Variants in KALRN observed in about 807,000 individuals in gnomAD.
KALRN encodes kalirin RhoGEF kinase.
Under a neutral mutation model 353.7 loss-of-function variants are expected in KALRN, and 70 were observed. That is an observed-to-expected ratio of 0.20 (90% CI 0.16 to 0.24). KALRN has a LOEUF of 0.24. Ranked by LOEUF, KALRN falls within the 10% of genes least tolerant of loss-of-function variation. KALRN has a pLI of 1.00. For synonymous variants in KALRN, 1,391 were observed against 1,434.8 expected (o/e 0.97, Z 0.69); for missense variants, 2,791 against 3,756.7 (o/e 0.74, Z 6.72).
intron 1 of KALRN, among the ~76,000 whole-genome samples, chr3:124,196,216 C>G (rs1325430569): frequency 3.3e-5 from 5 of 152,118 alleles, no homozygotes; most frequent in African/African-American, 1.2e-4. Context: ...CTCAGACAAG[C>G]TGCAGGTGGG....
At position 124,674,432 on chromosome 3, in the gene KALRN, G is replaced by A. The variant is rs1476626037; in HGVS notation, c.7011G>A (p.Glu2337=). ...AVIKDYYALK[E]NEICVSQGEV... is the part of the protein sequence containing the mutation. Reference sequence around the variant, plus strand: ...TCAAAGATTACTATGCACTGAAGGAGAATGAAATCTGTGTGAGCCAAGGTG... The same window carrying A: ...TCAAAGATTACTATGCACTGAAGGAAAATGAAATCTGTGTGAGCCAAGGTG... Residue 2337 remains glutamate (E), a synonymous_variant, in exon 49 of 60, where the codon GAG becomes GAA. Transcript: ENST00000682506. 3.1e-6 allele frequency: 5 copies of A among 1,614,000 alleles called. No individual in the cohort carries two copies. The highest frequency in any genetic ancestry group is 1.3e-5 in the African/African-American group (1 of 74,898).
chr3:124,530,651 G>A (rs961541952), intron 33 of KALRN, among the ~76,000 whole-genome samples: 1 of 152,068 alleles, frequency 6.6e-6, no homozygotes. Context: ...CCCAAAGTGC[G>A]AGGATTACAA....
chr3:124,680,097 C>T (rs774954521), intron 51 of KALRN, among the ~76,000 whole-genome samples: 2 of 152,278 alleles, frequency 1.3e-5, no homozygotes, highest in African/African-American at 2.4e-5. Flanking sequence ...GAGCACACTT[C>T]AGCCCAGTGC....
chr3:124,320,082 C>T (rs1310007331), intron 6 of KALRN, among the ~76,000 whole-genome samples: 2 of 152,144 alleles, frequency 1.3e-5, no homozygotes, highest in African/African-American at 4.8e-5. Flanking sequence ...TCAGTCGAGG[C>T]AATACTGTTT....
At chr3:124,506,829 C>A (rs1577545828) in intron 33 of KALRN, among the ~76,000 whole-genome samples, 1 of 152,152 alleles carries the variant, frequency 6.6e-6, no homozygotes, top group South Asian at 2.1e-4. Context: ...GCTTAATGAG[C>A]AATAGAAGAT....
chr3:124,637,276 A>G lies in KALRN; in HGVS notation c.5637A>G (p.Ala1879=). Residue 1879 remains alanine (A), a synonymous_variant, in exon 37 of 60, where the codon GCA becomes GCG. Coordinates refer to ENST00000682506, the MANE Select transcript of KALRN (RefSeq NM_001388419.1). ...CTACTGCTGCAGACCTTGTCAATGCAATAGAAAAGTTGGTCAAAAACAAGC... is the reference window on the plus strand; with the variant it reads ...CTACTGCTGCAGACCTTGTCAATGCGATAGAAAAGTTGGTCAAAAACAAGC... ...EVPTAADLVN[A]IEKLVKNKLS... The G allele has an allele frequency of 6.2e-7, 1 of 1,614,166 alleles. No individual in the cohort carries two copies. The highest frequency in any genetic ancestry group is 8.5e-7 in the Non-Finnish European group (1 of 1,180,022).
chr3:124,086,944 G>C (rs2060860100), intron 1 of KALRN, among the ~76,000 whole-genome samples: 1 of 152,170 alleles, frequency 6.6e-6, no homozygotes, highest in African/African-American at 2.4e-5. Context: ...TAACCCAACA[G>C]TATGTCTTGA....
chr3:124,267,415 G>T (rs2073689301), intron 4 of KALRN, among the ~76,000 whole-genome samples: 1 of 152,186 alleles, frequency 6.6e-6, no homozygotes, highest in African/African-American at 2.4e-5. Flanking sequence ...AATACTGCTG[G>T]TCTGAGAGCT....
chr3:124,120,061 T>G (rs1457554865), intron 1 of KALRN, among the ~76,000 whole-genome samples: 1 of 152,174 alleles, frequency 6.6e-6, no homozygotes, highest in Non-Finnish European at 1.5e-5. Flanking sequence ...TCACTGACTT[T>G]CTTAGTTGTG....
chr3:124,719,564 T>C lies in KALRN; in HGVS notation c.*94T>C, dbSNP rs1407563648. The C allele has an allele frequency of 9.3e-6, 11 of 1,186,362 alleles. No homozygotes were observed. Among genetic ancestry groups the C allele is most frequent in the Non-Finnish European group, 1.2e-5 (10 of 846,308 alleles). 73.5% of individuals were successfully genotyped at this position (1,186,362 alleles called of 1,614,324 possible). A position where few individuals can be genotyped will look rare whatever the true frequency, so the allele number is the denominator to read the frequency against. On this transcript the variant is annotated 3_prime_UTR_variant, in exon 60 of 60. Transcript: ENST00000682506. The surrounding 1 kb of genome is among the most constrained non-coding windows in gnomAD (Gnocchi z 5.3). ...TAAATAATTCTGTTCATCATTTCAC[T>C]CCGTGCAGTTCTCTGAATTGAGAGA...
At position 124,326,456 on chromosome 3, in the gene KALRN, G is replaced by A. The variant is rs7620580; in HGVS notation, c.1284+285G>A. 0.8 allele frequency among the ~76,000 whole-genome samples: 122,086 copies of A among 152,096 alleles called. 50,497 individuals are homozygous for A. Among genetic ancestry groups the A allele is most frequent in the Non-Finnish European group, 0.9 (61,484 of 68,018 alleles). On this transcript the variant is annotated intron_variant, in intron 7 of 59. Coordinates refer to ENST00000682506, the MANE Select transcript of KALRN (RefSeq NM_001388419.1). Reference sequence around the variant, plus strand: ...TTTGCTTGGTAGTGGTTGCATGTGCGTGTGTGCATGTGTGGACTGTCTGCT... The same window carrying A: ...TTTGCTTGGTAGTGGTTGCATGTGCATGTGTGCATGTGTGGACTGTCTGCT...
At chr3:124,530,190 T>C (rs1239343878) in intron 33 of KALRN, among the ~76,000 whole-genome samples, 2 of 152,094 alleles carry the variant, frequency 1.3e-5, no homozygotes, top group African/African-American at 4.8e-5. Flanking sequence ...CAAAAATACA[T>C]AAAAGGGATA....
intron 34 of KALRN, among the ~76,000 whole-genome samples, chr3:124,602,667 G>A (rs2076925442): frequency 6.6e-6 from 1 of 152,122 alleles, no homozygotes; most frequent in Admixed American, 6.5e-5. Flanking sequence ...GGGTCAGGAG[G>A]GATATACTCC....
At chr3:124,119,863 A>G (rs781126539) in intron 1 of KALRN, among the ~76,000 whole-genome samples, 35 of 152,200 alleles carry the variant, frequency 2.3e-4, no homozygotes, top group Non-Finnish European at 5.9e-5. Context: ...GCTCTGATTC[A>G]GGTTAATGCC....
At chr3:124,269,295 TGAGG>T (rs1171220774) in intron 5 of KALRN, 40 bp downstream of exon 5, 2 of 1,539,140 alleles carry the variant, frequency 1.3e-6, no homozygotes, top group Middle Eastern at 2.3e-4. Context: ...GGGATGGGGG[TGAGG>T]GAGCAGAGGT....
At chr3:124,223,655 G>A (rs1252665523) in intron 1 of KALRN, among the ~76,000 whole-genome samples, 1 of 152,204 alleles carries the variant, frequency 6.6e-6, no homozygotes. Context: ...GTTGAAATCA[G>A]GAATGCTTTC....
intron 13 of KALRN, among the ~76,000 whole-genome samples, chr3:124,406,335 C>G (rs368155277): frequency 4.6e-5 from 7 of 152,162 alleles, no homozygotes; most frequent in Non-Finnish European, 1.0e-4. Context: ...GAGAGGAACT[C>G]AACATTATAT....
intron 21 of KALRN, among the ~76,000 whole-genome samples, chr3:124,453,134 G>A (rs1471577210): frequency 6.6e-6 from 1 of 152,118 alleles, no homozygotes; most frequent in Admixed American, 6.5e-5. Flanking sequence ...AATAATTCTA[G>A]TTTAGATAGA....
intron 1 of KALRN, among the ~76,000 whole-genome samples, chr3:124,049,416 A>C (rs1180156207): frequency 6.6e-6 from 1 of 152,212 alleles, no homozygotes; most frequent in Non-Finnish European, 1.5e-5. Context: ...CCTCATTCGA[A>C]GAAAGAGGTA....
Sources: gnomAD v4.1 joint callset for allele counts (sites outside exome capture counted in the v4.1 genomes callset) on GRCh38, gnomAD v4.1.1 for gene constraint, Gnocchi (gnomAD v3.1) non-coding constraint, MANE v1.5 for transcripts, NCBI Gene and HGNC (gene_info 2026-07-23, HGNC 2026-07-21) for gene names.